Variants in NRXN1 observed in about 807,000 individuals in gnomAD.
NRXN1 encodes the protein neurexin-1.
Under a neutral mutation model 150.9 loss-of-function variants are expected in NRXN1, and 39 were observed. That is an observed-to-expected ratio of 0.26 (90% confidence interval 0.20 to 0.34). The LOEUF (loss-of-function observed/expected upper bound fraction) is 0.34, where lower values mean the gene tolerates loss of function less well. Ranked by LOEUF, NRXN1 falls within the 10% of genes least tolerant of loss-of-function variation. The pLI, the probability that NRXN1 is intolerant of heterozygous loss-of-function variation, is 1.00. For missense variants in NRXN1, 1,815 were observed against 1,949.9 expected (o/e 0.93, Z 1.30); for synonymous variants, 924 against 757.0 (o/e 1.22, Z -3.62).
intron 5 of NRXN1, among the ~76,000 whole-genome samples, chr2:50,847,533 G>A (rs1673842907): frequency 6.6e-6 from 1 of 152,098 alleles, no homozygotes; most frequent in Non-Finnish European, 1.5e-5. Flanking sequence ...CCACCCCCAC[G>A]GACCCAGGTG....
At chr2:50,141,332 G>A (rs1392840926) in intron 18 of NRXN1, among the ~76,000 whole-genome samples, 1 of 151,730 alleles carries the variant, frequency 6.6e-6, no homozygotes, top group Non-Finnish European at 1.5e-5. Flanking sequence ...AGATTTAAAG[G>A]CAAGACCTGA....
chr2:50,923,804 A>G (rs888851566), intron 3 of NRXN1, among the ~76,000 whole-genome samples: 1 of 151,860 alleles, frequency 6.6e-6, no homozygotes, highest in African/African-American at 2.4e-5. Flanking sequence ...CATTGGTTTC[A>G]TCAGTATTTA....
chr2:50,493,250 T>C (rs1007621771), intron 15 of NRXN1, among the ~76,000 whole-genome samples: 2 of 152,164 alleles, frequency 1.3e-5, no homozygotes, highest in Non-Finnish European at 1.5e-5. Context: ...CATGTAGAAG[T>C]TCTCCTTTAT....
intron 8 of NRXN1, among the ~76,000 whole-genome samples, chr2:50,570,422 T>A (rs1360063783): frequency 6.6e-6 from 1 of 152,186 alleles, no homozygotes; most frequent in Admixed American, 6.5e-5. Flanking sequence ...TAGAATTAAT[T>A]TCTTATAAGT....
At chr2:50,982,805 C>T (rs1177017539) in intron 2 of NRXN1, among the ~76,000 whole-genome samples, 1 of 152,026 alleles carries the variant, frequency 6.6e-6, no homozygotes, top group Non-Finnish European at 1.5e-5. Flanking sequence ...TTTAACCATA[C>T]ACTTAATAAA....
chr2:50,280,282 A>G (rs2071248363), intron 17 of NRXN1, among the ~76,000 whole-genome samples: 1 of 151,866 alleles, frequency 6.6e-6, no homozygotes, highest in Non-Finnish European at 1.5e-5. Context: ...AGTCTCAAAA[A>G]AAAAAAAAAA....
intron 5 of NRXN1, among the ~76,000 whole-genome samples, chr2:50,730,375 CTATT>C (rs1053915306): frequency 7.9e-5 from 12 of 152,028 alleles, no homozygotes; most frequent in African/African-American, 2.7e-4. Flanking sequence ...TCTCCAGAAA[CTATT>C]TATTTAAGTA....
At chr2:50,054,669 T>C (rs1693319884) in intron 20 of NRXN1, among the ~76,000 whole-genome samples, 1 of 152,206 alleles carries the variant, frequency 6.6e-6, no homozygotes, top group Non-Finnish European at 1.5e-5. Flanking sequence ...GGGTTAATGC[T>C]TGCTGTGAGT....
intron 5 of NRXN1, among the ~76,000 whole-genome samples, chr2:50,779,178 C>T (rs754358626): frequency 2.0e-5 from 3 of 152,122 alleles, no homozygotes; most frequent in African/African-American, 7.2e-5. Context: ...TCCCCTAGCA[C>T]CCCTCACCCT....
At position 50,201,031 on chromosome 2, in the gene NRXN1, T is replaced by C. The variant is rs190523914; in HGVS notation, c.3546+35758A>G. Among the ~76,000 whole-genome samples the C allele has an allele frequency of 3.9e-3, 594 of 152,302 alleles. 6 individuals carry two copies. Among genetic ancestry groups the C allele is most frequent in the African/African-American group, 0.013 (558 of 41,586 alleles). ...CTTTTATTTTACTTCTGTTGCCCACTGTTTAATTTCTGAGGCCAGTATTTT... is the reference window on the plus strand; with the variant it reads ...CTTTTATTTTACTTCTGTTGCCCACCGTTTAATTTCTGAGGCCAGTATTTT... On this transcript the variant is annotated intron_variant, in intron 18 of 22. Coordinates refer to ENST00000401669, the MANE Select transcript of NRXN1 (RefSeq NM_001330078.2).
At chr2:50,766,789 G>C (rs546655901) in intron 5 of NRXN1, among the ~76,000 whole-genome samples, 2 of 152,114 alleles carry the variant, frequency 1.3e-5, no homozygotes, top group East Asian at 3.9e-4. Flanking sequence ...CTCTAGTTCA[G>C]ATGTGCAGAA....
chr2:50,666,275 C>T (rs1403773422), intron 5 of NRXN1, among the ~76,000 whole-genome samples: 3 of 151,872 alleles, frequency 2.0e-5, no homozygotes, highest in Admixed American at 1.3e-4. Context: ...CATGTATATG[C>T]CATATTAGTC....
chr2:50,584,690 C>T (rs1262689737), intron 8 of NRXN1, among the ~76,000 whole-genome samples: 1 of 152,058 alleles, frequency 6.6e-6, no homozygotes, highest in Non-Finnish European at 1.5e-5. Flanking sequence ...GGTTGGTAAA[C>T]CAAAATGAAC....
intron 13 of NRXN1, among the ~76,000 whole-genome samples, chr2:50,499,334 A>C (rs183451183): frequency 3.3e-5 from 5 of 152,146 alleles, no homozygotes; most frequent in Admixed American, 6.5e-5. Flanking sequence ...GTTTGTTCTG[A>C]TTCCCTTCCT....
intron 22 of NRXN1, among the ~76,000 whole-genome samples, chr2:49,934,918 C>G (rs1572920673): frequency 6.6e-6 from 1 of 152,128 alleles, no homozygotes; most frequent in Non-Finnish European, 1.5e-5. Context: ...AAGCACTGCT[C>G]CTGTCTTAGT....
At chr2:50,889,571 T>C (rs1489302166) in intron 5 of NRXN1, among the ~76,000 whole-genome samples, 1 of 151,796 alleles carries the variant, frequency 6.6e-6, no homozygotes, top group Non-Finnish European at 1.5e-5. Flanking sequence ...GTATAACGTG[T>C]ACATTATTTT....
At chr2:50,186,845 C>A (rs2061105022) in intron 18 of NRXN1, among the ~76,000 whole-genome samples, 1 of 151,974 alleles carries the variant, frequency 6.6e-6, no homozygotes, top group Admixed American at 6.6e-5. Context: ...TTAAAAATTT[C>A]AAAATGACTC....
chr2:50,388,802 C>A (rs572020256), intron 17 of NRXN1, among the ~76,000 whole-genome samples: 1 of 152,070 alleles, frequency 6.6e-6, no homozygotes, highest in South Asian at 2.1e-4. Flanking sequence ...TCTTTGACAC[C>A]CTTTTATTGA....
At chr2:50,729,752 T>C (rs1697854252) in intron 5 of NRXN1, among the ~76,000 whole-genome samples, 2 of 152,156 alleles carry the variant, frequency 1.3e-5, no homozygotes, top group African/African-American at 4.8e-5. Context: ...ATTCACACCT[T>C]GCTTCTTTGC....
Sources: allele counts gnomAD v4.1 joint callset (sites outside exome capture counted in the v4.1 genomes callset), GRCh38; gene constraint gnomAD v4.1.1; transcripts MANE v1.5; gene names NCBI Gene and HGNC (gene_info 2026-07-23, HGNC 2026-07-21).